CSNK1G3: variants seen among roughly 807,000 people sequenced by gnomAD.
The protein encoded by CSNK1G3 is casein kinase I isoform gamma-3.
A neutral mutation model predicts 64.3 loss-of-function variants in CSNK1G3; 23 were observed. That is an observed-to-expected ratio of 0.36 (90% CI 0.26 to 0.51). The LOEUF (loss-of-function observed/expected upper bound fraction) is 0.51. Among genes scored for constraint, CSNK1G3 ranks in the 20% least tolerant of loss-of-function variants. The pLI is 0.96. For missense variants in CSNK1G3, 357 were observed against 510.5 expected (o/e 0.70, Z 2.90); for synonymous variants, 158 against 162.2 (o/e 0.97, Z 0.20).
At chr5:123,597,643 T>C (rs1793680528) in intron 10 of CSNK1G3, among the ~76,000 whole-genome samples, 1 of 152,070 alleles carries the variant, frequency 6.6e-6, no homozygotes, top group Non-Finnish European at 1.5e-5. Context: ...GTAGAAGTTA[T>C]CAGCAGAGTC....
intron 12 of CSNK1G3, among the ~76,000 whole-genome samples, chr5:123,609,224 A>G (rs1010305753): frequency 2.0e-5 from 3 of 152,236 alleles, no homozygotes; most frequent in African/African-American, 7.2e-5. Context: ...AAGCCAAGAA[A>G]TGACATGTGG....
intron 5 of CSNK1G3, among the ~76,000 whole-genome samples, chr5:123,574,216 G>A (rs982890408): frequency 1.3e-5 from 2 of 152,128 alleles, no homozygotes; most frequent in African/African-American, 4.8e-5. Flanking sequence ...AGACTAATGA[G>A]AGAGTCTTGA....
intron 1 of CSNK1G3, among the ~76,000 whole-genome samples, chr5:123,538,944 A>T (rs979964035): frequency 2.0e-5 from 3 of 152,164 alleles, no homozygotes; most frequent in African/African-American, 7.2e-5. Flanking sequence ...GATAGCAAAG[A>T]TACCCCTCTT....
chr5:123,613,931 T>C (rs2151287588), intron 12 of CSNK1G3, among the ~76,000 whole-genome samples: 1 of 152,240 alleles, frequency 6.6e-6, no homozygotes, highest in East Asian at 1.9e-4. Context: ...TATATTGGAG[T>C]GTCTTTTTAT....
At chr5:123,569,013 T>C (rs1278234154) in intron 4 of CSNK1G3, among the ~76,000 whole-genome samples, 5 of 152,224 alleles carry the variant, frequency 3.3e-5, no homozygotes, top group African/African-American at 1.2e-4. Flanking sequence ...TTTGCAACAA[T>C]GCAAAAACTG....
chr5:123,536,592 G>C (rs1280086641), intron 1 of CSNK1G3, among the ~76,000 whole-genome samples: 1 of 151,994 alleles, frequency 6.6e-6, no homozygotes, highest in Non-Finnish European at 1.5e-5. Flanking sequence ...ATAAATGTTT[G>C]AGATGATGCC....
intron 1 of CSNK1G3, among the ~76,000 whole-genome samples, chr5:123,524,915 G>GT (rs1158187867): frequency 6.6e-6 from 1 of 152,100 alleles, no homozygotes; most frequent in East Asian, 1.9e-4. Context: ...TTTAAGCTGT[G>GT]TTTTCAAGTT....
intron 4 of CSNK1G3, among the ~76,000 whole-genome samples, chr5:123,564,575 A>G (rs1393661104): frequency 1.3e-5 from 2 of 152,128 alleles, no homozygotes; most frequent in African/African-American, 2.4e-5. Context: ...CTTAAATTTT[A>G]TAGGCCCAAA....
At position 123,520,476 on chromosome 5, in the gene CSNK1G3, AT is replaced by A. The variant is rs77863119; in HGVS notation, c.-248+7922del. On this transcript the variant is annotated intron_variant, in intron 1 of 12. Coordinates refer to ENST00000345990, the Ensembl canonical transcript of CSNK1G3. ...ATTTCTACCATCAGAAAAAACAGTA[AT>A]TTTTTTTTTTTTTTTGAGGGGGGTA... Among the ~76,000 whole-genome samples, 1,280 of 138,624 alleles carry A rather than the reference AT, an allele frequency of 9.2e-3. 4 individuals carry two copies. Among genetic ancestry groups the A allele is most frequent in the Middle Eastern group, 0.019 (5 of 258 alleles). The allele number at this position is 138,624 out of a possible 152,430, so 90.9% of individuals were successfully genotyped here.
chr5:123,521,820 G>C (rs1469767390), intron 1 of CSNK1G3, among the ~76,000 whole-genome samples: 3 of 151,946 alleles, frequency 2.0e-5, no homozygotes, highest in African/African-American at 7.3e-5. Flanking sequence ...TTTACTAGTG[G>C]TTCTTGGCCC....
At chr5:123,577,578 G>C (rs941771296) in intron 6 of CSNK1G3, among the ~76,000 whole-genome samples, 1 of 151,366 alleles carries the variant, frequency 6.6e-6, no homozygotes, top group Admixed American at 6.6e-5. Flanking sequence ...GAGAAATCTG[G>C]CTATCACTAC....
exon 9 of CSNK1G3, chr5:123,590,447 A>C (rs1403956236): frequency 6.6e-7 from 1 of 1,511,438 alleles, no homozygotes; most frequent in African/African-American, 1.4e-5. Context: ...TAAGAAGGCT[A>C]GATTTTTTTG....
At chr5:123,556,698 A>G (rs574212021) in intron 3 of CSNK1G3, among the ~76,000 whole-genome samples, 2 of 151,228 alleles carry the variant, frequency 1.3e-5, no homozygotes, top group Admixed American at 6.6e-5. Flanking sequence ...ACAGTTTTCT[A>G]CTTCTTGTAT....
intron 10 of CSNK1G3, among the ~76,000 whole-genome samples, chr5:123,602,467 A>G (rs1010667019): frequency 1.3e-5 from 2 of 152,222 alleles, no homozygotes; most frequent in African/African-American, 4.8e-5. Context: ...ACTTAGAAAT[A>G]TGAGGTACTA....
At chr5:123,524,741 C>A (rs2150017475) in intron 1 of CSNK1G3, among the ~76,000 whole-genome samples, 1 of 152,198 alleles carries the variant, frequency 6.6e-6, no homozygotes, top group South Asian at 2.1e-4. Context: ...ACAAATAAAT[C>A]TGTATATTTT....
At chr5:123,513,246 A>G (rs1776572325) in intron 1 of CSNK1G3, among the ~76,000 whole-genome samples, 1 of 152,172 alleles carries the variant, frequency 6.6e-6, no homozygotes, top group Non-Finnish European at 1.5e-5. Context: ...ATGCAGGGGA[A>G]GTGACACTGA....
At chr5:123,592,361 A>G (rs1157980257) in intron 10 of CSNK1G3, among the ~76,000 whole-genome samples, 2 of 152,000 alleles carry the variant, frequency 1.3e-5, no homozygotes, top group Admixed American at 1.3e-4. Context: ...GAGATAAGGC[A>G]TAGAAGTTGA....
intron 4 of CSNK1G3, among the ~76,000 whole-genome samples, chr5:123,569,561 A>G (rs914025459): frequency 2.0e-5 from 3 of 152,114 alleles, no homozygotes; most frequent in African/African-American, 7.2e-5. Context: ...ACATTAAATC[A>G]TAATAGCTAA....
In CSNK1G3 at chr5:123,590,837, T is replaced by C. The variant is rs564906503; in HGVS notation, c.990+279T>C. 4.2e-4 allele frequency among the ~76,000 whole-genome samples: 64 copies of C among 152,178 alleles called. 1 individual carries two copies. The Middle Eastern group carries it at 0.017, about 40-fold the overall frequency. Reference sequence around the variant, plus strand: ...CAAATATACTCTTTTTTGTGTAATATTCTCATGATTAATTTAATACTTCAA... The same window carrying C: ...CAAATATACTCTTTTTTGTGTAATACTCTCATGATTAATTTAATACTTCAA... On this transcript the variant is annotated intron_variant, in intron 9 of 12. Transcript: ENST00000345990.
Sources: gnomAD v4.1 joint callset for allele counts (sites outside exome capture counted in the v4.1 genomes callset) on GRCh38, gnomAD v4.1.1 for gene constraint, MANE v1.5 for transcripts, NCBI Gene and HGNC (gene_info 2026-07-23, HGNC 2026-07-21) for gene names.